OR14J1: variants seen among roughly 807,000 people sequenced by gnomAD.
OR14J1 encodes the protein olfactory receptor family 14 subfamily J member 1.
For synonymous variants in OR14J1, 140 were observed against 146.7 expected (o/e 0.95, Z 0.33); for missense variants, 378 against 393.4 (o/e 0.96, Z 0.33).
At chr6:29,303,298 C>A (rs182276899) in intron 1 of OR14J1, among the ~76,000 whole-genome samples, 69 of 151,998 alleles carry the variant, frequency 4.5e-4, no homozygotes, top group Admixed American at 2.4e-3. Flanking sequence ...ACCCAGATAA[C>A]GAGACTAAGA....
chr6:29,307,426 C>T lies in OR14J1; in HGVS notation c.737C>T (p.Ala246Val), dbSNP rs781256855. Residue 246 changes from alanine (A) to valine (V), a missense_variant, in exon 2 of 2, where the codon GCC becomes GTC. By Grantham distance (64) the Ala-to-Val change is moderately conservative. Transcript: ENST00000641895. ...ACCTGCCTACCACACCTATTTGTAG[C>T]CACCTTCTTTCTTTCAGCTGCAGGC... Reference protein sequence around the residue: ...FSTCLPHLFVATFFLSAAGFE... With the variant: ...FSTCLPHLFVVTFFLSAAGFE... 1 of 1,613,052 alleles carries T rather than the reference C, an allele frequency of 6.2e-7. No individual in the cohort carries two copies. Among genetic ancestry groups the T allele is most frequent in the South Asian group, 1.1e-5 (1 of 91,080 alleles).
intron 1 of OR14J1, among the ~76,000 whole-genome samples, chr6:29,305,091 G>T (rs951920050): frequency 6.6e-6 from 1 of 152,124 alleles, no homozygotes; most frequent in East Asian, 1.9e-4. Context: ...TTTGAAGAAA[G>T]TAACCCCTGT....
In OR14J1 at chr6:29,309,229, T is replaced by A. The variant is rs987649404; in HGVS notation, c.*1574T>A. The A allele has an allele frequency of 1.3e-5, 2 of 152,154 alleles. No homozygotes were observed. The highest frequency in any genetic ancestry group is 1.3e-4 in the Admixed American group (2 of 15,278). The allele number at this position is 152,154 out of a possible 1,614,324, so 9.4% of individuals were successfully genotyped here. On this transcript the variant is annotated 3_prime_UTR_variant, in exon 2 of 2. Coordinates refer to ENST00000641895, the MANE Select transcript of OR14J1 (RefSeq NM_030946.2). ...CATCTTTTTTATGGCTGCATAGTAT[T>A]CCATAGTATTCCATGGGTGTATATG...
chr6:29,305,965 A>G (rs1431453158), intron 1 of OR14J1, among the ~76,000 whole-genome samples: 2 of 152,180 alleles, frequency 1.3e-5, no homozygotes, highest in Non-Finnish European at 2.9e-5. Flanking sequence ...CCAAGTTGTC[A>G]TAAGAATTTT....
intron 1 of OR14J1, among the ~76,000 whole-genome samples, chr6:29,304,353 A>T (rs560146023): frequency 2.6e-5 from 4 of 152,224 alleles, no homozygotes; most frequent in Non-Finnish European, 5.9e-5. Flanking sequence ...GTTTTGTAGG[A>T]TAAAATTTGC....
intron 1 of OR14J1, among the ~76,000 whole-genome samples, chr6:29,303,273 A>G (rs1774833102): frequency 6.6e-6 from 1 of 152,242 alleles, no homozygotes; most frequent in Non-Finnish European, 1.5e-5. Flanking sequence ...AAATTTCAAT[A>G]AATGTTAAAA....
rs1775204946 is a variant in OR14J1 at position 29,307,588 on chromosome 6, G to A, written c.899G>A (p.Arg300Lys). The A allele has an allele frequency of 6.2e-7, 1 of 1,611,340 alleles. No homozygotes were observed. The highest frequency in any genetic ancestry group is 1.7e-5 in the Admixed American group (1 of 60,008). ...AATGATTCCATGAAGGCAGCACTGA[G>A]GAAGATGCTGTCAAAGGAAGAGCTT... ...LRNDSMKAAL[R>K]KMLSKEELPQ... is the part of the protein sequence containing the mutation. Residue 300 changes from arginine (R) to lysine (K), a missense_variant, in exon 2 of 2, where the codon AGG (arginine) becomes AAG (lysine). Arg to Lys is a conservative substitution (Grantham distance 26). Coordinates refer to ENST00000641895, the MANE Select transcript of OR14J1 (RefSeq NM_030946.2).
At chr6:29,304,282 A>G (rs1254006303) in intron 1 of OR14J1, among the ~76,000 whole-genome samples, 1 of 152,174 alleles carries the variant, frequency 6.6e-6, no homozygotes, top group Admixed American at 6.5e-5. Context: ...AAAGAGAACT[A>G]CTTTCAAAAA....
At chr6:29,305,851 G>A (rs971673926) in intron 1 of OR14J1, among the ~76,000 whole-genome samples, 1 of 151,934 alleles carries the variant, frequency 6.6e-6, no homozygotes, top group Non-Finnish European at 1.5e-5. Context: ...ATGAGACACA[G>A]CACTAGAAAG....
rs1554297278 is a variant in OR14J1, at chr6:29,303,731, T to TATC, written c.-29+1948_-29+1950dup. 1.7e-3 allele frequency among the ~76,000 whole-genome samples: 246 copies of TATC among 146,884 alleles called. 1 individual carries two copies. Among genetic ancestry groups the TATC allele is most frequent in the East Asian group, 5.0e-3 (25 of 4,966 alleles). On this transcript the variant is annotated intron_variant, in intron 1 of 1. Coordinates refer to ENST00000641895, the MANE Select transcript of OR14J1 (RefSeq NM_030946.2). The stretch of plus-strand genomic sequence containing the variant: ...CTATCTATCTATCTATCTATCTATC[T>TATC]ATCATCTATCTATCTCTAATCTATC...
At chr6:29,305,258 G>T (rs367852609) in intron 1 of OR14J1, among the ~76,000 whole-genome samples, 21 of 152,208 alleles carry the variant, frequency 1.4e-4, no homozygotes, top group African/African-American at 4.8e-4. Flanking sequence ...AAATCAAAAA[G>T]ATCTTGGTTT....
chr6:29,302,257 T>C (rs1249195385), intron 1 of OR14J1, among the ~76,000 whole-genome samples: 1 of 149,888 alleles, frequency 6.7e-6, no homozygotes, highest in Non-Finnish European at 1.5e-5. Flanking sequence ...TGGCTCACTG[T>C]AACCTCCGCC....
At chr6:29,302,370 G>A (rs192732105) in intron 1 of OR14J1, among the ~76,000 whole-genome samples, 1 of 151,678 alleles carries the variant, frequency 6.6e-6, no homozygotes, top group East Asian at 1.9e-4. Context: ...GTAGAGATGG[G>A]GTTTCGCCAT....
In OR14J1 at chr6:29,310,902, T is replaced by A. The variant is rs1775459025; in HGVS notation, c.*3247T>A. 1 of 152,160 alleles carries A rather than the reference T, an allele frequency of 6.6e-6. No individual in the cohort carries two copies. The highest frequency in any genetic ancestry group is 1.5e-5 in the Non-Finnish European group (1 of 68,030). 9.4% of individuals were successfully genotyped at this position (152,160 alleles called of 1,614,324 possible). A position where few individuals can be genotyped will look rare whatever the true frequency, so the allele number is the denominator to read the frequency against. ...AATGGGAGTTCACTCATGATTTGGC[T>A]CTCTGTTTTTTTTATTATTGGTGTA... is the stretch of plus-strand genomic sequence containing the variant. On this transcript the variant is annotated 3_prime_UTR_variant, in exon 2 of 2. Transcript: ENST00000641895.
chr6:29,302,823 A>C (rs944610952), intron 1 of OR14J1, among the ~76,000 whole-genome samples: 1 of 150,636 alleles, frequency 6.6e-6, no homozygotes. Context: ...TTAGAAATAC[A>C]TAAAACTGAA....
rs763220744 is a variant in OR14J1 at position 29,307,685 on chromosome 6, T to G, written c.*30T>G. The stretch of plus-strand genomic sequence containing the variant: ...CCATACAAATGAAAGGCATTGTTAT[T>G]ATGTTTCAGATTGGAAGAGAGGTGA... On this transcript the variant is annotated 3_prime_UTR_variant, in exon 2 of 2. Transcript: ENST00000641895. The G allele has an allele frequency of 7.6e-7, 1 of 1,318,616 alleles. No individual in the cohort carries two copies. The highest frequency in any genetic ancestry group is 2.0e-5 in the Admixed American group (1 of 49,768). 81.7% of individuals were successfully genotyped at this position (1,318,616 alleles called of 1,614,324 possible).
In OR14J1 at chr6:29,312,101, A is replaced by G. The variant is rs948213641; in HGVS notation, c.*4446A>G. 6.8e-6 allele frequency: 1 copy of G among 146,952 alleles called. No homozygotes were observed. Among genetic ancestry groups the G allele is most frequent in the Non-Finnish European group, 1.5e-5 (1 of 66,542 alleles). 9.1% of individuals were successfully genotyped at this position (146,952 alleles called of 1,614,324 possible). A position where few individuals can be genotyped will look rare whatever the true frequency, so the allele number is the denominator to read the frequency against. ...TTTGAATTTTTTTGTGTGTGTCTCT[A>G]TCTCCTTCATTTCTGCTCTGATCTT... On this transcript the variant is annotated 3_prime_UTR_variant, in exon 2 of 2. Transcript: ENST00000641895.
intron 1 of OR14J1, among the ~76,000 whole-genome samples, chr6:29,302,627 T>A (rs1432342990): frequency 6.6e-6 from 1 of 152,172 alleles, no homozygotes; most frequent in Non-Finnish European, 1.5e-5. Flanking sequence ...GGCATGGGGT[T>A]AGAGAAGTCA....
chr6:29,302,179 CTTTTTTTT>C (rs1157949122), intron 1 of OR14J1, among the ~76,000 whole-genome samples: 1 of 102,052 alleles, frequency 9.8e-6, no homozygotes, highest in African/African-American at 3.7e-5. Context: ...TTTTTTTTTT[CTTTTTTTT>C]TTTTTTTTTT....
Sources: gnomAD v4.1 joint callset for allele counts (sites outside exome capture counted in the v4.1 genomes callset) on GRCh38, gnomAD v4.1.1 for gene constraint, MANE v1.5 for transcripts, NCBI Gene and HGNC (gene_info 2026-07-23, HGNC 2026-07-21) for gene names.